BASP1: variants seen among roughly 807,000 people sequenced by gnomAD.
The protein encoded by BASP1 is brain acid soluble protein 1.
BASP1 carries 1 observed loss-of-function variant against 2.2 expected under a neutral mutation model. The observed-to-expected ratio is 0.46, with a 90% CI of 0.16 to 2.17. BASP1 has a LOEUF of 2.17. Ranked by LOEUF, BASP1 falls within the 30% of genes most tolerant of loss-of-function variation. The pLI, the probability that BASP1 is intolerant of heterozygous loss-of-function variation, is 0.27. For synonymous variants in BASP1, 187 were observed against 154.2 expected (o/e 1.21, Z -1.58); for missense variants, 352 against 327.2 (o/e 1.08, Z -0.58).
At chr5:17,271,901 T>C (rs866727037) in intron 1 of BASP1, among the ~76,000 whole-genome samples, 1 of 151,844 alleles carries the variant, frequency 6.6e-6, no homozygotes, top group African/African-American at 2.4e-5. Context: ...ACCTCATCTG[T>C]GCTAAAAATA....
At chr5:17,244,791 A>G (rs891461228) in intron 1 of BASP1, among the ~76,000 whole-genome samples, 2 of 149,646 alleles carry the variant, frequency 1.3e-5, no homozygotes, top group Non-Finnish European at 3.0e-5. Flanking sequence ...TCCTGGGTTC[A>G]AGCGGTTCTC....
At chr5:17,272,628 G>A (rs1335831791) in intron 1 of BASP1, among the ~76,000 whole-genome samples, 1 of 152,100 alleles carries the variant, frequency 6.6e-6, no homozygotes, top group African/African-American at 2.4e-5. Context: ...GGTTCAGGTG[G>A]GTCCTATGAG....
At chr5:17,245,824 C>T (rs913491952) in intron 1 of BASP1, among the ~76,000 whole-genome samples, 1 of 152,010 alleles carries the variant, frequency 6.6e-6, no homozygotes, top group African/African-American at 2.4e-5. Flanking sequence ...CTCAGGATAA[C>T]TCAGGGGGTA....
chr5:17,238,298 C>CT lies in BASP1; in HGVS notation c.-10+20489dup, dbSNP rs1453991176. The stretch of plus-strand genomic sequence containing the variant: ...CAATTCATTCTACGTAGCTGGCTAT[C>CT]TGAGTTTTTTTTTTATCGAAACCAA... On this transcript the variant is annotated intron_variant, in intron 1 of 1. Coordinates refer to ENST00000322611, the MANE Select transcript of BASP1 (RefSeq NM_006317.5). 4.0e-5 allele frequency among the ~76,000 whole-genome samples: 6 copies of CT among 151,714 alleles called. No homozygotes were observed. The South Asian group carries it at 6.3e-4, about 16-fold the overall frequency.
At chr5:17,218,164 A>C (rs1300701722) in intron 1 of BASP1, among the ~76,000 whole-genome samples, 2 of 151,526 alleles carry the variant, frequency 1.3e-5, no homozygotes, top group Non-Finnish European at 2.9e-5. Context: ...CAGTGCGTTG[A>C]GTCCCGGGGA....
At chr5:17,265,034 C>A (rs1740390233) in intron 1 of BASP1, among the ~76,000 whole-genome samples, 1 of 152,058 alleles carries the variant, frequency 6.6e-6, no homozygotes, top group Admixed American at 6.6e-5. Flanking sequence ...TTTTATATGG[C>A]AGTTAATGTA....
In BASP1 at chr5:17,275,828, C is replaced by A. The variant is rs781769650; in HGVS notation, c.612C>A (p.Ala204=). ...SSTPKAQGPA[A]SAEEPKPVEA... ...CACCCAAGGCCCAGGGCCCCGCAGCCTCTGCAGAAGAGCCCAAGCCGGTGG... is the reference window on the plus strand; with the variant it reads ...CACCCAAGGCCCAGGGCCCCGCAGCATCTGCAGAAGAGCCCAAGCCGGTGG... The change falls in exon 2 of 2, where the codon GCC becomes GCA. Residue 204 remains alanine (A), a synonymous_variant. Transcript: ENST00000322611. The surrounding 1 kb of genome is among the most constrained non-coding windows in gnomAD (Gnocchi z 5.3). 6.8e-6 allele frequency: 11 copies of A among 1,611,708 alleles called. No homozygotes were observed. Among genetic ancestry groups the A allele is most frequent in the Non-Finnish European group, 6.8e-6 (8 of 1,179,126 alleles).
intron 1 of BASP1, among the ~76,000 whole-genome samples, chr5:17,267,859 T>C (rs1446363969): frequency 2.7e-5 from 4 of 149,094 alleles, no homozygotes; most frequent in African/African-American, 1.0e-4. Context: ...AAAATTTTTT[T>C]TATTTCTAAT....
rs114405828 is a variant in BASP1, at chr5:17,267,435, T to C, written c.-9-7773T>C. Reference sequence around the variant, plus strand: ...CATTATTCTGAGAAGATTTTCTAAATATAATTGAAAATGTTAAAAAACATT... The same window carrying C: ...CATTATTCTGAGAAGATTTTCTAAACATAATTGAAAATGTTAAAAAACATT... On this transcript the variant is annotated intron_variant, in intron 1 of 1. Coordinates refer to ENST00000322611, the MANE Select transcript of BASP1 (RefSeq NM_006317.5). Among the ~76,000 whole-genome samples the C allele has an allele frequency of 1.7e-3, 264 of 152,320 alleles. 1 individual carries two copies. Among genetic ancestry groups the C allele is most frequent in the Non-Finnish European group, 3.1e-3 (214 of 68,030 alleles).
rs570513929 is a variant in BASP1 at position 17,233,729 on chromosome 5, G to A, written c.-10+15919G>A. ...TAATTAGGTGACTGATACGCCTTTT[G>A]ATGTGTGTTTCCAAGTAGATGATAT... On this transcript the variant is annotated intron_variant, in intron 1 of 1. Transcript: ENST00000322611. Among the ~76,000 whole-genome samples the A allele has an allele frequency of 4.0e-4, 61 of 151,694 alleles. 2 individuals are homozygous for A. The South Asian group carries it at 0.013, about 31-fold the overall frequency.
At chr5:17,237,121 G>A (rs1739763618) in intron 1 of BASP1, among the ~76,000 whole-genome samples, 1 of 152,084 alleles carries the variant, frequency 6.6e-6, no homozygotes, top group South Asian at 2.1e-4. Flanking sequence ...CGAGGTGGGC[G>A]GATCACGAGG....
chr5:17,235,690 G>C (rs1207042018), intron 1 of BASP1, among the ~76,000 whole-genome samples: 5 of 152,178 alleles, frequency 3.3e-5, no homozygotes, highest in Admixed American at 2.0e-4. Context: ...AGGTAGCTGG[G>C]ACTCTTGACC....
chr5:17,234,157 CAA>C (rs1301655072), intron 1 of BASP1, among the ~76,000 whole-genome samples: 1 of 151,908 alleles, frequency 6.6e-6, no homozygotes, highest in African/African-American at 2.4e-5. Context: ...ACAAAACAAA[CAA>C]AAAACAATAC....
upstream of BASP1, chr5:17,217,071 T>TGTGTGTGAGAGAGAGAGAGAGAGAGA (rs1367601986): frequency 4.9e-5 from 5 of 102,030 alleles, no homozygotes; most frequent in African/African-American, 2.2e-4. Flanking sequence ...AGAGAGAGAG[T>TGTGTGTGAGAGAGAGAGAGAGAGAGA]GAGAGAGAGA....
intron 1 of BASP1, among the ~76,000 whole-genome samples, chr5:17,273,253 C>T (rs1467344022): frequency 6.6e-6 from 1 of 151,994 alleles, no homozygotes; most frequent in Non-Finnish European, 1.5e-5. Context: ...ATGTACTGCT[C>T]TGTGATTGCT....
chr5:17,240,254 G>T (rs932352655), intron 1 of BASP1, among the ~76,000 whole-genome samples: 2 of 152,128 alleles, frequency 1.3e-5, no homozygotes, highest in East Asian at 3.9e-4. Flanking sequence ...TGAGGCTCTG[G>T]CCGGGCATGG....
intron 1 of BASP1, among the ~76,000 whole-genome samples, chr5:17,250,365 T>G (rs1398119350): frequency 6.6e-6 from 1 of 152,250 alleles, no homozygotes; most frequent in Non-Finnish European, 1.5e-5. Flanking sequence ...TTTCTGAAAT[T>G]TTCAGCATTG....
Position 17,251,163 on chromosome 5 carries a change from C to T in BASP1, c.-9-24045C>T, listed in dbSNP as rs1740095966. Among the ~76,000 whole-genome samples the T allele has an allele frequency of 1.3e-5, 2 of 152,072 alleles. No homozygotes were observed. ...ATCATTACACATTGTATACAAATAT[C>T]AAAATATCACATGTACCCCCAAAAT... On this transcript the variant is annotated intron_variant, in intron 1 of 1. Transcript: ENST00000322611. This position sits in a 1 kb window ranked among gnomAD's most constrained non-coding sequence, Gnocchi z 4.0.
At position 17,275,882 on chromosome 5, in the gene BASP1, C is replaced by G. The variant is rs544707949; in HGVS notation, c.666C>G (p.Thr222=). Reference sequence around the variant, plus strand: ...CCCCGGCAGCTAATTCCGACCAAACCGTAACCGTGAAAGAGTGACAAGGAC... The same window carrying G: ...CCCCGGCAGCTAATTCCGACCAAACGGTAACCGTGAAAGAGTGACAAGGAC... The part of the protein sequence containing the change: ...VEAPAANSDQ[T]VTVKE The change falls in exon 2 of 2, where the codon ACC becomes ACG. Residue 222 remains threonine, a synonymous_variant. Transcript: ENST00000322611. This position sits in a 1 kb window ranked among gnomAD's most constrained non-coding sequence, Gnocchi z 5.3. The G allele has an allele frequency of 3.8e-6, 6 of 1,592,776 alleles. No individual in the cohort carries two copies. In the East Asian group the frequency reaches 9.2e-5, roughly 24 times the overall value.
Sources: allele counts gnomAD v4.1 joint callset (sites outside exome capture counted in the v4.1 genomes callset), GRCh38; gene constraint gnomAD v4.1.1; non-coding constraint Gnocchi (gnomAD v3.1); transcripts MANE v1.5; gene names NCBI Gene and HGNC (gene_info 2026-07-23, HGNC 2026-07-21).